The following CELF2 variants were observed in gnomAD, a reference collection of about 807,000 sequenced individuals.
CELF2 encodes CUGBP Elav-like family member 2, also known as CUG triplet repeat RNA-binding protein 2.
CELF2 carries 8 observed loss-of-function variants against 62.6 expected under a neutral mutation model. That is an observed-to-expected ratio of 0.13 (90% confidence interval 0.07 to 0.23). The LOEUF is 0.23. CELF2 is among the 10% of genes least tolerant of loss of function. The pLI is 1.00. For missense variants in CELF2, 333 were observed against 671.0 expected (o/e 0.50, Z 5.56); for synonymous variants, 258 against 250.0 (o/e 1.03, Z -0.30).
At chr10:10,594,968 T>G in the CELF2 span, among the ~76,000 whole-genome samples, 1 of 152,182 alleles carries the variant, frequency 6.6e-6, no homozygotes. Context: ...CAGAAGAAAT[T>G]CCAGAGGGTG....
In CELF2 at chr10:11,178,904, A is replaced by G. The variant is rs548423566; in HGVS notation, c.271+13222A>G. ...ACTCCATCACATGTTTGCGATGAAA[A>G]TGCTGTATTTTTAGAACACTTCAAA... On this transcript the variant is annotated intron_variant, in intron 2 of 12. Transcript: ENST00000633077. The surrounding 1 kb of genome is among the most constrained non-coding windows in gnomAD (Gnocchi z 4.3). Among the ~76,000 whole-genome samples, 8 of 152,362 alleles carry G rather than the reference A, an allele frequency of 5.3e-5. No individual in the cohort carries two copies. Among genetic ancestry groups the G allele is most frequent in the African/African-American group, 1.9e-4 (8 of 41,576 alleles).
At chr10:11,120,885 G>A (rs2144157076) in intron 1 of CELF2, among the ~76,000 whole-genome samples, 1 of 152,346 alleles carries the variant, frequency 6.6e-6, no homozygotes, top group East Asian at 1.9e-4. Flanking sequence ...GCTCCTGCCT[G>A]AAGCTTGGAG....
At chr10:10,654,032 G>A in the CELF2 span, among the ~76,000 whole-genome samples, 3 of 150,238 alleles carry the variant, frequency 2.0e-5, no homozygotes, top group South Asian at 6.5e-4. Context: ...ATGATAAAGG[G>A]GATATCACCA....
the CELF2 span, among the ~76,000 whole-genome samples, chr10:10,483,106 C>T: frequency 1.6e-4 from 25 of 151,566 alleles, no homozygotes; most frequent in Non-Finnish European, 2.6e-4. Flanking sequence ...CTTTTCTCAA[C>T]GGCTTTTGCT....
At chr10:10,649,452 T>G in the CELF2 span, among the ~76,000 whole-genome samples, 1 of 151,998 alleles carries the variant, frequency 6.6e-6, no homozygotes, top group East Asian at 1.9e-4. Context: ...CTGTTTCCTC[T>G]GGGGGGAAAA....
intron 1 of CELF2, among the ~76,000 whole-genome samples, chr10:11,142,865 C>A (rs1052030689): frequency 6.6e-6 from 1 of 152,126 alleles, no homozygotes; most frequent in Non-Finnish European, 1.5e-5. Flanking sequence ...GGTCTGTCCT[C>A]CCTCCACTGG....
chr10:10,772,984 T>G, the CELF2 span, among the ~76,000 whole-genome samples: 1 of 152,226 alleles, frequency 6.6e-6, no homozygotes, highest in Non-Finnish European at 1.5e-5. Flanking sequence ...AACGTTTCAT[T>G]AAAATGTATA....
chr10:10,819,814 A>G (rs185701266), intron 1 of CELF2, among the ~76,000 whole-genome samples: 1 of 151,976 alleles, frequency 6.6e-6, no homozygotes, highest in Admixed American at 6.6e-5. Context: ...GTTCCCACCC[A>G]TTGTCAACTG....
At chr10:11,144,026 G>A (rs2132361025) in intron 1 of CELF2, among the ~76,000 whole-genome samples, 1 of 152,260 alleles carries the variant, frequency 6.6e-6, no homozygotes, top group South Asian at 2.1e-4. Context: ...TGCAGTTAAT[G>A]CTTTGCTAGT....
At chr10:10,841,484 C>T (rs1214697899) in intron 1 of CELF2, among the ~76,000 whole-genome samples, 1 of 151,130 alleles carries the variant, frequency 6.6e-6, no homozygotes, top group African/African-American at 2.4e-5. Context: ...AGATGGATAT[C>T]CAGTTGTTAG....
chr10:10,510,343 T>G, the CELF2 span, among the ~76,000 whole-genome samples: 22 of 152,346 alleles, frequency 1.4e-4, 1 homozygote, highest in Admixed American at 4.6e-4. Context: ...AGCTTCCTAG[T>G]AATAGGAGCA....
Position 11,041,271 on chromosome 10 carries a change from T to TA in CELF2, c.74+23109dup, listed in dbSNP as rs1359054265. 9.8e-5 allele frequency among the ~76,000 whole-genome samples: 15 copies of TA among 152,308 alleles called. No individual in the cohort carries two copies. In the South Asian group the frequency reaches 3.1e-3, roughly 32 times the overall value. ...CATGTTGGGGGTTAGGACTTTAACA[T>TA]ACGCATTTTAGGGGGACACAGTCAG... is the stretch of plus-strand genomic sequence containing the variant. On this transcript the variant is annotated intron_variant, in intron 1 of 12. Transcript: ENST00000633077.
intron 1 of CELF2, among the ~76,000 whole-genome samples, chr10:11,085,113 C>T (rs578127484): frequency 6.6e-6 from 1 of 152,238 alleles, no homozygotes; most frequent in African/African-American, 2.4e-5. Context: ...GAGAATATGG[C>T]AGTGATTTTA....
At chr10:10,475,054 A>G in the CELF2 span, among the ~76,000 whole-genome samples, 1 of 152,128 alleles carries the variant, frequency 6.6e-6, no homozygotes, top group Non-Finnish European at 1.5e-5. Context: ...TGTCCAAAGG[A>G]GTATTCCAAG....
chr10:10,728,126 T>C, the CELF2 span, among the ~76,000 whole-genome samples: 3 of 151,322 alleles, frequency 2.0e-5, no homozygotes, highest in Non-Finnish European at 2.9e-5. Context: ...ATTTTTTTTT[T>C]CTGATAAGTA....
chr10:11,009,696 GT>G (rs2137349668), intron 1 of CELF2, among the ~76,000 whole-genome samples: 1 of 152,340 alleles, frequency 6.6e-6, no homozygotes, highest in South Asian at 2.1e-4. Context: ...ATGATTGGCT[GT>G]TTAGGATGGT....
chr10:10,507,831 CA>C, the CELF2 span, among the ~76,000 whole-genome samples: 1 of 152,160 alleles, frequency 6.6e-6, no homozygotes, highest in Non-Finnish European at 1.5e-5. Flanking sequence ...AAAAAATTAG[CA>C]CATTCTAAGT....
intron 2 of CELF2, among the ~76,000 whole-genome samples, chr10:10,933,130 TA>T (rs55850099): frequency 0.37 from 53,013 of 144,314 alleles, 10,095 homozygotes; most frequent in East Asian, 0.73. Context: ...CCAAGTCTCT[TA>T]AAAAAAAAAA....
the CELF2 span, among the ~76,000 whole-genome samples, chr10:10,789,317 CAAAACAT>C: frequency 6.6e-5 from 10 of 152,128 alleles, no homozygotes; most frequent in Non-Finnish European, 1.3e-4. Flanking sequence ...GTCATTCCAC[CAAAACAT>C]GTTTTTGATT....
Sources: allele counts gnomAD v4.1 joint callset (sites outside exome capture counted in the v4.1 genomes callset), GRCh38; gene constraint gnomAD v4.1.1; non-coding constraint Gnocchi (gnomAD v3.1); transcripts MANE v1.5; gene names NCBI Gene and HGNC (gene_info 2026-07-23, HGNC 2026-07-21).